Variants in WWC2 observed in about 807,000 individuals in gnomAD.
WWC2 encodes protein WWC2.
Under a neutral mutation model 138.5 loss-of-function variants are expected in WWC2, and 101 were observed. The observed-to-expected ratio is 0.73, with a 90% CI of 0.62 to 0.86. The LOEUF is 0.86. Ranked by LOEUF, WWC2 falls within the 40% of genes least tolerant of loss-of-function variation. The pLI is 0.00. For synonymous variants in WWC2, 558 were observed against 538.4 expected (o/e 1.04, Z -0.50); for missense variants, 1,420 against 1,419.4 (o/e 1.00, Z -0.01).
At chr4:183,217,095 A>G (rs190223967) in intron 4 of WWC2, among the ~76,000 whole-genome samples, 38 of 152,360 alleles carry the variant, frequency 2.5e-4, no homozygotes, top group Admixed American at 7.2e-4. Flanking sequence ...GAAAGCAAAC[A>G]TTGAAAGGAT....
Position 183,203,947 on chromosome 4 carries a change from A to G in WWC2, c.242-4006A>G, listed in dbSNP as rs1354541511. 2.0e-5 allele frequency among the ~76,000 whole-genome samples: 3 copies of G among 152,332 alleles called. No homozygotes were observed. In the East Asian group the frequency reaches 5.8e-4, roughly 29 times the overall value. ...CCAAGACCAAACTTCTTCAGTTTCCATTTGCATAGATTATACAAGGGTATG... is the reference window on the plus strand; with the variant it reads ...CCAAGACCAAACTTCTTCAGTTTCCGTTTGCATAGATTATACAAGGGTATG... On this transcript the variant is annotated intron_variant, in intron 2 of 22. Coordinates refer to ENST00000403733, the MANE Select transcript of WWC2 (RefSeq NM_024949.6).
intron 4 of WWC2, among the ~76,000 whole-genome samples, chr4:183,229,028 G>A (rs1053114969): frequency 3.3e-5 from 5 of 152,024 alleles, no homozygotes; most frequent in African/African-American, 9.7e-5. Flanking sequence ...AGGCCTAAAC[G>A]TTGAGATAAT....
At chr4:183,291,678 TC>T (rs1251738328) in intron 21 of WWC2, among the ~76,000 whole-genome samples, 1 of 152,162 alleles carries the variant, frequency 6.6e-6, no homozygotes, top group Non-Finnish European at 1.5e-5. Context: ...TTTCTAGATA[TC>T]AATAATTACT....
intron 20 of WWC2, 41 bp from the exon 21 acceptor site, chr4:183,289,352 G>A (rs776554083): frequency 3.8e-6 from 6 of 1,592,778 alleles, no homozygotes; most frequent in Non-Finnish European, 5.1e-6. Flanking sequence ...ACCACTGCCT[G>A]TATAACCAGG....
At chr4:183,235,013 C>A (rs1392984552) in intron 4 of WWC2, among the ~76,000 whole-genome samples, 1 of 152,172 alleles carries the variant, frequency 6.6e-6, no homozygotes, top group Non-Finnish European at 1.5e-5. Flanking sequence ...CTAATTAACA[C>A]CATACCGATA....
At chr4:183,144,801 G>A (rs1733403843) in intron 1 of WWC2, among the ~76,000 whole-genome samples, 2 of 152,182 alleles carry the variant, frequency 1.3e-5, no homozygotes, top group East Asian at 1.9e-4. Flanking sequence ...CTACATACAC[G>A]TTGCATTCTA....
At chr4:183,140,401 T>C (rs137914212) in intron 1 of WWC2, among the ~76,000 whole-genome samples, 82 of 152,292 alleles carry the variant, frequency 5.4e-4, no homozygotes, top group African/African-American at 1.9e-3. Context: ...TTTCTAGATG[T>C]GGGGCCTGGG....
In WWC2 at chr4:183,282,508, G is replaced by T. The variant is rs1316386055; in HGVS notation, c.2685-200G>T. The T allele has an allele frequency of 1.0e-5, 6 of 584,320 alleles. No individual in the cohort carries two copies. In the South Asian group the frequency reaches 1.4e-4, roughly 13 times the overall value. 36.2% of individuals were successfully genotyped at this position (584,320 alleles called of 1,614,324 possible). On this transcript the variant is annotated intron_variant, in intron 17 of 22. Coordinates refer to ENST00000403733, the MANE Select transcript of WWC2 (RefSeq NM_024949.6). ...TTTAACTTTTTAGTACCACATTATGGTGATTTTGCTGCAGGTTACTAGAGG... is the reference window on the plus strand; with the variant it reads ...TTTAACTTTTTAGTACCACATTATGTTGATTTTGCTGCAGGTTACTAGAGG...
intron 4 of WWC2, among the ~76,000 whole-genome samples, chr4:183,225,655 A>G (rs568717391): frequency 3.5e-4 from 53 of 152,352 alleles, no homozygotes; most frequent in African/African-American, 1.1e-3. Flanking sequence ...ACAGGATGAG[A>G]AGCCTTTAGT....
At chr4:183,119,391 T>G (rs1732528463) in intron 1 of WWC2, among the ~76,000 whole-genome samples, 1 of 152,134 alleles carries the variant, frequency 6.6e-6, no homozygotes, top group Non-Finnish European at 1.5e-5. Flanking sequence ...AGAGATGCCC[T>G]TTGTCCTCTT....
At chr4:183,162,383 T>C (rs542621963) in intron 1 of WWC2, among the ~76,000 whole-genome samples, 159 of 152,324 alleles carry the variant, frequency 1.0e-3, no homozygotes, top group Non-Finnish European at 1.8e-3. Flanking sequence ...AAAATTACTT[T>C]GCATATTTCA....
At chr4:183,307,599 G>T (rs918194888) in intron 21 of WWC2, among the ~76,000 whole-genome samples, 1 of 152,146 alleles carries the variant, frequency 6.6e-6, no homozygotes, top group Non-Finnish European at 1.5e-5. Flanking sequence ...CCATGACCAA[G>T]GGAGATTTAT....
intron 4 of WWC2, among the ~76,000 whole-genome samples, chr4:183,231,818 C>T (rs1300384379): frequency 6.6e-6 from 1 of 152,136 alleles, no homozygotes; most frequent in Non-Finnish European, 1.5e-5. Context: ...CCACCACACC[C>T]AGTTTGGTTG....
intron 1 of WWC2, among the ~76,000 whole-genome samples, chr4:183,111,765 C>G (rs1258352744): frequency 6.6e-6 from 1 of 151,632 alleles, no homozygotes; most frequent in Non-Finnish European, 1.5e-5. Flanking sequence ...GTGATCATGG[C>G]TCGTTGCAGC....
chr4:183,234,745 TA>T (rs1441548828), intron 4 of WWC2, among the ~76,000 whole-genome samples: 1 of 152,118 alleles, frequency 6.6e-6, no homozygotes, highest in Non-Finnish European at 1.5e-5. Flanking sequence ...TGGGTATTTG[TA>T]TTTAGCACAG....
At chr4:183,219,968 G>A (rs1047443571) in intron 4 of WWC2, among the ~76,000 whole-genome samples, 1 of 152,112 alleles carries the variant, frequency 6.6e-6, no homozygotes, top group African/African-American at 2.4e-5. Context: ...TAACACACAA[G>A]CCCTTTAAAG....
intron 2 of WWC2, among the ~76,000 whole-genome samples, chr4:183,194,721 A>C (rs1034924074): frequency 6.6e-6 from 1 of 152,190 alleles, no homozygotes; most frequent in African/African-American, 2.4e-5. Flanking sequence ...GTGAGGCACC[A>C]TCTTCCAGGC....
chr4:183,166,467 A>AT (rs1734133523), intron 1 of WWC2, among the ~76,000 whole-genome samples: 1 of 152,164 alleles, frequency 6.6e-6, no homozygotes, highest in African/African-American at 2.4e-5. Context: ...AGTGTTTTGT[A>AT]AGGTGGAGCC....
intron 21 of WWC2, among the ~76,000 whole-genome samples, chr4:183,302,783 G>A (rs967524819): frequency 1.3e-5 from 2 of 152,174 alleles, no homozygotes; most frequent in African/African-American, 2.4e-5. Flanking sequence ...TCAGATAGAG[G>A]CTGGGTGCAT....
Sources: gnomAD v4.1 joint callset for allele counts (sites outside exome capture counted in the v4.1 genomes callset) on GRCh38, gnomAD v4.1.1 for gene constraint, MANE v1.5 for transcripts, NCBI Gene and HGNC (gene_info 2026-07-23, HGNC 2026-07-21) for gene names.